Variants in PIK3C3 observed in about 807,000 individuals in gnomAD.
The protein encoded by PIK3C3 is PI3-kinase type 3.
PIK3C3 carries 95 observed loss-of-function variants against 126.1 expected under a neutral mutation model. The observed-to-expected ratio is 0.75, with a 90% CI of 0.64 to 0.89. The LOEUF (loss-of-function observed/expected upper bound fraction) is 0.89, where lower values mean the gene tolerates loss of function less well. Among genes scored for constraint, PIK3C3 ranks in the 40% least tolerant of loss-of-function variants. The pLI, the probability that PIK3C3 is intolerant of heterozygous loss-of-function variation, is 0.00. For synonymous variants in PIK3C3, 374 were observed against 360.0 expected (o/e 1.04, Z -0.44); for missense variants, 829 against 1,063.2 (o/e 0.78, Z 3.06).
chr18:42,035,007 C>T (rs1051268093), intron 16 of PIK3C3, among the ~76,000 whole-genome samples: 2 of 152,128 alleles, frequency 1.3e-5, no homozygotes, highest in Admixed American at 1.3e-4. Flanking sequence ...TGGATAGTTA[C>T]CATTATTTTT....
At chr18:42,039,023 A>G (rs996783402) in intron 18 of PIK3C3, among the ~76,000 whole-genome samples, 173 bp downstream of exon 18, 6 of 152,108 alleles carry the variant, frequency 3.9e-5, no homozygotes, top group Admixed American at 2.6e-4. Flanking sequence ...CCTGTTTCTC[A>G]GTAACTACTG....
chr18:42,057,706 T>TA, intron 21 of PIK3C3, 177 bp from the exon 22 acceptor site: 2 of 573,446 alleles, frequency 3.5e-6, no homozygotes, highest in Non-Finnish European at 6.0e-6. Flanking sequence ...ATGAGTTAAT[T>TA]ATGTTCTGAA....
chr18:41,979,676 A>G (rs1238994659), intron 4 of PIK3C3, among the ~76,000 whole-genome samples: 1 of 152,142 alleles, frequency 6.6e-6, no homozygotes, highest in East Asian at 1.9e-4. Flanking sequence ...TAGTAGAACT[A>G]TAAAAACTGA....
rs1986331700 is a variant in PIK3C3 at position 42,083,824 on chromosome 18, AC to A, written c.*2691del. ...GAGTTGGGATTTGAAGTCGAGTTAG[AC>A]CCCAGTGATCACAGTCTTGACGATT... On this transcript the variant is annotated 3_prime_UTR_variant, in exon 25 of 25. Coordinates refer to ENST00000262039, the MANE Select transcript of PIK3C3 (RefSeq NM_002647.4). The A allele has an allele frequency of 1.3e-5, 2 of 152,100 alleles. No individual in the cohort carries two copies. Among genetic ancestry groups the A allele is most frequent in the Admixed American group, 1.3e-4 (2 of 15,252 alleles). 9.4% of individuals were successfully genotyped at this position (152,100 alleles called of 1,614,324 possible). A position where few individuals can be genotyped will look rare whatever the true frequency, so the allele number is the denominator to read the frequency against.
chr18:42,064,283 G>T (rs559231), intron 22 of PIK3C3, among the ~76,000 whole-genome samples: 79,990 of 151,968 alleles, frequency 0.53, 22,837 homozygotes, highest in African/African-American at 0.76. Context: ...AAGATACTCA[G>T]GAGTGATTCA....
chr18:42,057,976 G>A lies in PIK3C3; in HGVS notation c.2357G>A (p.Gly786Glu). 6.2e-7 allele frequency: 1 copy of A among 1,613,546 alleles called. No individual in the cohort carries two copies. The highest frequency in any genetic ancestry group is 8.5e-7 in the Non-Finnish European group (1 of 1,179,732). Reference sequence around the variant, plus strand: ...AAGCTGAATAAAGAAATGGTAGAAGGAATGGGGGGCACACAGAGTGAGCAG... The same window carrying A: ...AAGCTGAATAAAGAAATGGTAGAAGAAATGGGGGGCACACAGAGTGAGCAG... ...PMKLNKEMVE[G>E]MGGTQSEQYQ... is the part of the protein sequence containing the mutation. The change falls in exon 22 of 25, where the codon GGA (glycine) becomes GAA (glutamate). Residue 786 changes from glycine to glutamate, a missense_variant. Coordinates refer to ENST00000262039, the MANE Select transcript of PIK3C3 (RefSeq NM_002647.4).
chr18:42,060,637 T>C (rs1985274007), intron 22 of PIK3C3, among the ~76,000 whole-genome samples: 1 of 151,810 alleles, frequency 6.6e-6, no homozygotes, highest in African/African-American at 2.4e-5. Flanking sequence ...ATTAGCCAGG[T>C]GTGATGGTGC....
At position 42,004,400 on chromosome 18, in the gene PIK3C3, A is replaced by G. The variant is rs1416232891; in HGVS notation, c.1029A>G (p.Gln343=). Residue 343 remains glutamine, a synonymous_variant, in exon 10 of 25, where the codon CAA becomes CAG. Transcript: ENST00000262039. The part of the protein sequence containing the change: ...FLKCVNWDLP[Q]EAKQALELLG... ...AATGTGTTAATTGGGATCTACCTCA[A>G]GAGGCCAAACAGGCCTTGGAACTTC... The G allele has an allele frequency of 6.2e-7, 1 of 1,613,230 alleles. No individual in the cohort carries two copies. Among genetic ancestry groups the G allele is most frequent in the African/African-American group, 1.3e-5 (1 of 74,866 alleles).
rs1598846181 is a variant in PIK3C3, at chr18:41,962,393, C to A, written c.258-96C>A. On this transcript the variant is annotated intron_variant, in intron 2 of 24. Transcript: ENST00000262039. ...TAGAGTCTAACAACATTTTTGGAAC[C>A]TTTTCCTCTGGCCAAAACTTTTTGT... The A allele has an allele frequency of 3.8e-6, 4 of 1,040,586 alleles. No homozygotes were observed. In the East Asian group the frequency reaches 9.1e-5, roughly 24 times the overall value. The allele number at this position is 1,040,586 out of a possible 1,614,324, so 64.5% of individuals were successfully genotyped here.
intron 3 of PIK3C3, among the ~76,000 whole-genome samples, chr18:41,966,648 T>C (rs1475930580): frequency 1.3e-5 from 2 of 152,188 alleles, no homozygotes; most frequent in Non-Finnish European, 2.9e-5. Flanking sequence ...TTTTAGAAAT[T>C]GAAGCAAAAG....
At chr18:41,996,127 A>C (rs75063035) in intron 8 of PIK3C3, 133 bp downstream of exon 8, 1 of 655,826 alleles carries the variant, frequency 1.5e-6, no homozygotes, top group South Asian at 1.9e-5. Flanking sequence ...CATCATGTTC[A>C]TAATTTCACA....
intron 7 of PIK3C3, among the ~76,000 whole-genome samples, chr18:41,994,660 TG>T (rs1981941927): frequency 1.3e-5 from 2 of 152,216 alleles, no homozygotes; most frequent in African/African-American, 4.8e-5. Flanking sequence ...GGAATTAATT[TG>T]GAAAAAAATA....
At chr18:41,995,768 TG>T (rs745351144) in intron 7 of PIK3C3, 121 bp from the exon 8 acceptor site, 18 of 684,638 alleles carry the variant, frequency 2.6e-5, no homozygotes, top group Non-Finnish European at 4.1e-5. Flanking sequence ...CTGCTAAAGT[TG>T]TATCAGAACA....
At chr18:42,010,052 A>G (rs1488013649) in intron 10 of PIK3C3, among the ~76,000 whole-genome samples, 2 of 152,078 alleles carry the variant, frequency 1.3e-5, no homozygotes, top group African/African-American at 4.8e-5. Context: ...GCTTGTTAGC[A>G]TTTTTTCCAC....
At chr18:42,062,915 T>G (rs1985380408) in intron 22 of PIK3C3, among the ~76,000 whole-genome samples, 1 of 152,094 alleles carries the variant, frequency 6.6e-6, no homozygotes, top group South Asian at 2.1e-4. Flanking sequence ...CACCCTGACC[T>G]CCATTGAAAC....
intron 9 of PIK3C3, among the ~76,000 whole-genome samples, chr18:42,000,577 G>C (rs1291256167): frequency 1.3e-5 from 2 of 152,050 alleles, no homozygotes; most frequent in Non-Finnish European, 2.9e-5. Flanking sequence ...CCCACTTTTG[G>C]TACCAATTTA....
intron 21 of PIK3C3, among the ~76,000 whole-genome samples, chr18:42,056,766 C>A (rs1258631550): frequency 6.6e-6 from 1 of 152,096 alleles, no homozygotes; most frequent in Non-Finnish European, 1.5e-5. Context: ...TGATCATGGA[C>A]TTTTCATCAG....
intron 24 of PIK3C3, among the ~76,000 whole-genome samples, chr18:42,072,774 A>G (rs576467521): frequency 3.0e-4 from 46 of 152,246 alleles, no homozygotes; most frequent in Non-Finnish European, 6.0e-4. Context: ...GGCCTCAAGC[A>G]ATCCTCCTGC....
chr18:42,066,614 C>T (rs746180225), intron 23 of PIK3C3, among the ~76,000 whole-genome samples: 3 of 152,152 alleles, frequency 2.0e-5, no homozygotes, highest in Non-Finnish European at 4.4e-5. Context: ...TGTATGTTTG[C>T]GTATCAGTCG....
Sources: gnomAD v4.1 joint callset for allele counts (sites outside exome capture counted in the v4.1 genomes callset) on GRCh38, gnomAD v4.1.1 for gene constraint, MANE v1.5 for transcripts, NCBI Gene and HGNC (gene_info 2026-07-23, HGNC 2026-07-21) for gene names.